UGT1A5: variants seen among roughly 807,000 people sequenced by gnomAD.
UGT1A5 encodes UDP-glucuronosyltransferase 1A5.
Under a neutral mutation model 40.3 loss-of-function variants are expected in UGT1A5, and 29 were observed. The observed-to-expected ratio is 0.72, with a 90% CI of 0.54 to 0.98. The LOEUF (loss-of-function observed/expected upper bound fraction) is 0.98. Among genes scored for constraint, UGT1A5 ranks in the 50% least tolerant of loss-of-function variants. The pLI, the probability that UGT1A5 is intolerant of heterozygous loss-of-function variation, is 0.00. For synonymous variants in UGT1A5, 257 were observed against 262.5 expected (o/e 0.98, Z 0.20); for missense variants, 678 against 677.9 (o/e 1.00, Z 0.00).
At chr2:233,719,295 G>A in intron 1 of UGT1A5, 1 of 1,613,994 alleles carries the variant, frequency 6.2e-7, no homozygotes. Context: ...CCTCTGTGGG[G>A]CGGTGCTGGC....
intron 1 of UGT1A5, among the ~76,000 whole-genome samples, chr2:233,744,256 G>A (rs1276151413): frequency 2.0e-5 from 3 of 151,770 alleles, no homozygotes; most frequent in Admixed American, 1.3e-4. Context: ...CTGAAGAACT[G>A]TTTTTCTTAA....
At chr2:233,755,280 C>A in intron 1 of UGT1A5, 2 of 709,720 alleles carry the variant, frequency 2.8e-6, no homozygotes, top group Non-Finnish European at 4.3e-6. Flanking sequence ...GCTGGACTGC[C>A]AAAGAGCCTG....
chr2:233,741,506 T>G (rs1461228170), intron 1 of UGT1A5: 1 of 151,928 alleles, frequency 6.6e-6, no homozygotes, highest in Non-Finnish European at 1.5e-5. Flanking sequence ...TGAACTCATT[T>G]TTCAAAAGCC....
At chr2:233,732,137 TTTG>T (rs1309636549) in intron 1 of UGT1A5, among the ~76,000 whole-genome samples, 1 of 152,050 alleles carries the variant, frequency 6.6e-6, no homozygotes, top group African/African-American at 2.4e-5. Context: ...AGGTTGTTTG[TTTG>T]TTTTTTTTCT....
intron 1 of UGT1A5, among the ~76,000 whole-genome samples, chr2:233,742,483 C>T (rs1442583410): frequency 6.6e-6 from 1 of 151,916 alleles, no homozygotes; most frequent in African/African-American, 2.4e-5. Context: ...TCACAACCTT[C>T]AGCATAGGCA....
At position 233,769,650 on chromosome 2, in the gene UGT1A5, C is replaced by T. The variant is rs895944755; in HGVS notation, c.1307+1211C>T. The T allele has an allele frequency of 1.9e-6, 3 of 1,606,450 alleles. No homozygotes were observed. The South Asian group carries it at 3.3e-5, about 18-fold the overall frequency. The stretch of plus-strand genomic sequence containing the variant: ...ACAACAGGGGAGGACTGATGACTGA[C>T]TTCCCACCTTTGAGGTGCTAATGTG... On this transcript the variant is annotated intron_variant, in intron 4 of 4. Transcript: ENST00000373414. The surrounding 1 kb of genome is among the most constrained non-coding windows in gnomAD (Gnocchi z 4.4).
intron 1 of UGT1A5, chr2:233,743,605 G>A (rs376857469): frequency 9.1e-5 from 125 of 1,367,170 alleles, no homozygotes; most frequent in Middle Eastern, 2.1e-4. Context: ...CCTGGCCGCC[G>A]AAGAACTCCC....
At chr2:233,762,785 A>G (rs1698164172) in intron 1 of UGT1A5, among the ~76,000 whole-genome samples, 1 of 150,724 alleles carries the variant, frequency 6.6e-6, no homozygotes, top group Non-Finnish European at 1.5e-5. Context: ...CTGATTATCT[A>G]CTCATTACTC....
Position 233,760,769 on chromosome 2 carries a change from C to T in UGT1A5, c.868-6265C>T, listed in dbSNP as rs756981269. 1.9e-6 allele frequency: 3 copies of T among 1,614,028 alleles called. No individual in the cohort carries two copies. The South Asian group carries it at 3.3e-5, about 18-fold the overall frequency. On this transcript the variant is annotated intron_variant, in intron 1 of 4. Coordinates refer to ENST00000373414, the MANE Select transcript of UGT1A5 (RefSeq NM_019078.2). ...TTCCTTCCTTGCAGCCCCATCGTGG[C>T]CCAGTACCTGTCTCTGCCCACTGTA...
At chr2:233,755,480 A>T (rs574050472) in intron 1 of UGT1A5, 1 of 211,322 alleles carries the variant, frequency 4.7e-6, no homozygotes, top group Non-Finnish European at 9.7e-6. Flanking sequence ...AGGCTCTGTG[A>T]GGCCCTGTGA....
chr2:233,751,854 T>C (rs1435480079), intron 1 of UGT1A5, among the ~76,000 whole-genome samples: 3 of 152,196 alleles, frequency 2.0e-5, no homozygotes, highest in Non-Finnish European at 4.4e-5. Context: ...TAAACCTTTG[T>C]CTTTTATAAA....
chr2:233,747,956 T>G, intron 1 of UGT1A5: 1 of 1,613,440 alleles, frequency 6.2e-7, no homozygotes, highest in African/African-American at 1.3e-5. Flanking sequence ...TGGTGGATCT[T>G]CTCAGCCATG....
At chr2:233,761,234 G>A in intron 1 of UGT1A5, 1 of 1,612,826 alleles carries the variant, frequency 6.2e-7, no homozygotes, top group Non-Finnish European at 8.5e-7. Flanking sequence ...CCAGATATAT[G>A]CTGAGCAAGC....
At position 233,725,825 on chromosome 2, in the gene UGT1A5, A is replaced by G. The variant is rs185131948; in HGVS notation, c.867+11967A>G. Among the ~76,000 whole-genome samples the G allele has an allele frequency of 6.0e-4, 91 of 152,230 alleles. 1 individual carries two copies. In the South Asian group the frequency reaches 6.4e-3, roughly 11 times the overall value. ...AAAATCCATTTTATTGGATACCAGT[A>G]TTGCTACTCCTATGTTATTTTTTCA... On this transcript the variant is annotated intron_variant, in intron 1 of 4. Transcript: ENST00000373414.
chr2:233,755,186 G>T, intron 1 of UGT1A5: 2 of 1,186,224 alleles, frequency 1.7e-6, no homozygotes, highest in Non-Finnish European at 2.3e-6. Flanking sequence ...GGTGCCACTT[G>T]AGCGCCAGCT....
intron 1 of UGT1A5, among the ~76,000 whole-genome samples, chr2:233,730,748 G>C (rs2078070259): frequency 6.6e-6 from 1 of 152,108 alleles, no homozygotes; most frequent in Non-Finnish European, 1.5e-5. Flanking sequence ...CTAGGGAGGA[G>C]ATAAGACTGT....
intron 1 of UGT1A5, chr2:233,755,163 G>C: frequency 2.3e-6 from 3 of 1,285,674 alleles, no homozygotes; most frequent in Non-Finnish European, 3.2e-6. Flanking sequence ...CCTGTCCTCG[G>C]GGTTTTTGTC....
At chr2:233,750,460 A>G (rs1694463339) in intron 1 of UGT1A5, among the ~76,000 whole-genome samples, 1 of 152,018 alleles carries the variant, frequency 6.6e-6, no homozygotes, top group South Asian at 2.1e-4. Flanking sequence ...CCAGCTACAG[A>G]AATACTGGCT....
chr2:233,745,526 T>C (rs1383340744), intron 1 of UGT1A5, among the ~76,000 whole-genome samples: 1 of 151,838 alleles, frequency 6.6e-6, no homozygotes, highest in Admixed American at 6.5e-5. Flanking sequence ...CTAATGGGGA[T>C]GTGTTATGTC....
Sources: allele counts gnomAD v4.1 joint callset (sites outside exome capture counted in the v4.1 genomes callset), GRCh38; gene constraint gnomAD v4.1.1; non-coding constraint Gnocchi (gnomAD v3.1); transcripts MANE v1.5; gene names NCBI Gene and HGNC (gene_info 2026-07-23, HGNC 2026-07-21).